The following KATNAL1 variants were observed in gnomAD, a reference collection of about 807,000 sequenced individuals.
The protein encoded by KATNAL1 is katanin catalytic subunit A1 like 1.
Under a neutral mutation model 55.2 loss-of-function variants are expected in KATNAL1, and 32 were observed. That is an observed-to-expected ratio of 0.58 (90% CI 0.44 to 0.78). The LOEUF (loss-of-function observed/expected upper bound fraction) is 0.78, where lower values mean the gene tolerates loss of function less well. Among genes scored for constraint, KATNAL1 ranks in the 30% least tolerant of loss-of-function variants. The pLI is 0.00. For synonymous variants in KATNAL1, 193 were observed against 193.6 expected (o/e 1.00, Z 0.02); for missense variants, 466 against 600.9 (o/e 0.78, Z 2.35).
intron 4 of KATNAL1, among the ~76,000 whole-genome samples, chr13:30,251,139 CAAA>C (rs34899786): frequency 3.5e-5 from 3 of 85,876 alleles, no homozygotes; most frequent in Non-Finnish European, 2.2e-5. Flanking sequence ...GACTCTGCCT[CAAA>C]AAAAAAAAAA....
chr13:30,296,113 G>C (rs1296005613), intron 1 of KATNAL1: 6 of 384,578 alleles, frequency 1.6e-5, no homozygotes, highest in Non-Finnish European at 2.9e-5. Flanking sequence ...GATCGTCCGT[G>C]CATCTAGCCT....
At chr13:30,286,802 C>T (rs148204350) in intron 1 of KATNAL1, among the ~76,000 whole-genome samples, 1,728 of 152,312 alleles carry the variant, frequency 0.011, 38 homozygotes, top group African/African-American at 0.04. Context: ...GGGATGTACC[C>T]TGCAAAGCCA....
intron 1 of KATNAL1, chr13:30,296,062 A>T: frequency 4.5e-6 from 1 of 221,132 alleles, no homozygotes; most frequent in Non-Finnish European, 8.9e-6. Context: ...AAAAAATTTT[A>T]ATTAGTCACA....
At chr13:30,256,314 A>C (rs147508205) in intron 3 of KATNAL1, among the ~76,000 whole-genome samples, 2 of 152,328 alleles carry the variant, frequency 1.3e-5, no homozygotes, top group East Asian at 3.9e-4. Flanking sequence ...CTACTGTGGA[A>C]CTTGTCTCCT....
intron 3 of KATNAL1, among the ~76,000 whole-genome samples, chr13:30,265,749 A>T (rs1405127282): frequency 6.7e-6 from 1 of 149,126 alleles, no homozygotes; most frequent in Admixed American, 6.7e-5. Context: ...GGTGGCTCAC[A>T]CCTGTAATCC....
chr13:30,223,106 C>CA (rs1197685148), intron 9 of KATNAL1, among the ~76,000 whole-genome samples: 1 of 149,744 alleles, frequency 6.7e-6, no homozygotes, highest in South Asian at 2.1e-4. Context: ...AACAAACAAA[C>CA]AAAAAAGAGA....
chr13:30,240,672 A>G (rs1877178415), intron 5 of KATNAL1, 107 bp from the exon 6 acceptor site: 3 of 777,654 alleles, frequency 3.9e-6, no homozygotes, highest in African/African-American at 1.8e-5. Context: ...TTCTCATAGT[A>G]AGAACATTAT....
chr13:30,283,576 C>T (rs1881564946), intron 2 of KATNAL1, 40 bp downstream of exon 2: 1 of 1,593,044 alleles, frequency 6.3e-7, no homozygotes, highest in African/African-American at 1.3e-5. Context: ...TAATAGGGTA[C>T]TGCCATCCTA....
intron 4 of KATNAL1, 142 bp downstream of exon 4, chr13:30,255,305 A>C: frequency 1.7e-6 from 1 of 586,058 alleles, no homozygotes; most frequent in Non-Finnish European, 2.7e-6. Flanking sequence ...CAAAATACAA[A>C]GACTACTTAG....
chr13:30,287,418 G>A (rs1442129346), intron 1 of KATNAL1, among the ~76,000 whole-genome samples: 4 of 152,182 alleles, frequency 2.6e-5, no homozygotes, highest in African/African-American at 7.2e-5. Context: ...CTGCAGCCCT[G>A]TGAAGAGGTG....
At chr13:30,271,418 T>C (rs955284738) in intron 3 of KATNAL1, among the ~76,000 whole-genome samples, 3 of 152,086 alleles carry the variant, frequency 2.0e-5, no homozygotes, top group Non-Finnish European at 4.4e-5. Flanking sequence ...TCTGCTCAGC[T>C]TCTGGAGAGG....
chr13:30,283,034 C>G (rs1403893875), intron 2 of KATNAL1, among the ~76,000 whole-genome samples: 2 of 150,372 alleles, frequency 1.3e-5, no homozygotes, highest in Non-Finnish European at 3.0e-5. Flanking sequence ...CTTTGGGAGG[C>G]TGAGGTGGGT....
At chr13:30,274,905 GCGCACACACACACACACACACACACACA>G (rs1193055737) in intron 3 of KATNAL1, among the ~76,000 whole-genome samples, 3 of 84,310 alleles carry the variant, frequency 3.6e-5, no homozygotes, top group African/African-American at 1.3e-4. Context: ...GCGCGCGCGC[GCGCACACACACACACACACACACACACA>G]CACACACACA....
chr13:30,306,021 A>C (rs908398439), intron 1 of KATNAL1, among the ~76,000 whole-genome samples: 2 of 152,162 alleles, frequency 1.3e-5, no homozygotes, highest in Non-Finnish European at 2.9e-5. Flanking sequence ...TTTAATTAAG[A>C]GAAAGTTTTA....
intron 3 of KATNAL1, among the ~76,000 whole-genome samples, chr13:30,259,680 G>C (rs751528525): frequency 3.3e-5 from 5 of 152,152 alleles, no homozygotes; most frequent in Admixed American, 2.6e-4. Flanking sequence ...TAAAAAACGC[G>C]GCACCAGGAG....
At chr13:30,236,963 C>T (rs997687036) in intron 6 of KATNAL1, among the ~76,000 whole-genome samples, 1 of 152,200 alleles carries the variant, frequency 6.6e-6, no homozygotes, top group South Asian at 2.1e-4. Context: ...CTCAGGGTCA[C>T]CTGCTCTGGG....
chr13:30,273,026 C>G (rs762119859), intron 3 of KATNAL1, among the ~76,000 whole-genome samples: 3 of 152,210 alleles, frequency 2.0e-5, no homozygotes, highest in East Asian at 1.9e-4. Flanking sequence ...TGCACTCCCT[C>G]TACATGTGCA....
At chr13:30,213,975 A>T (rs1873951146) in intron 9 of KATNAL1, among the ~76,000 whole-genome samples, 1 of 152,166 alleles carries the variant, frequency 6.6e-6, no homozygotes, top group Non-Finnish European at 1.5e-5. Context: ...GAAAAGAGGA[A>T]GTCAAATTGT....
At chr13:30,286,560 A>G (rs1438019677) in intron 1 of KATNAL1, among the ~76,000 whole-genome samples, 1 of 152,238 alleles carries the variant, frequency 6.6e-6, no homozygotes, top group African/African-American at 2.4e-5. Flanking sequence ...TCCAGGCAGA[A>G]GTCTGCTGCA....
Sources: gnomAD v4.1 joint callset for allele counts (sites outside exome capture counted in the v4.1 genomes callset) on GRCh38, gnomAD v4.1.1 for gene constraint, MANE v1.5 for transcripts, NCBI Gene and HGNC (gene_info 2026-07-23, HGNC 2026-07-21) for gene names.